Variants in LPAR4 observed in about 807,000 individuals in gnomAD.
LPAR4 encodes G-protein coupled receptor 23.
LPAR4 carries 14 observed loss-of-function variants against 9.2 expected under a neutral mutation model. The observed-to-expected ratio is 1.51, with a 90% CI of 1.00 to 2.37. LPAR4 has a LOEUF of 2.37. LPAR4 is among the 30% of genes most tolerant of loss of function. The probability of loss-of-function intolerance (pLI) is 0.00; values close to 1 mark genes in which losing one functional copy is unlikely to be tolerated. For missense variants in LPAR4, 251 were observed against 272.1 expected (o/e 0.92, Z 0.55); for synonymous variants, 131 against 97.9 (o/e 1.34, Z -1.99).
At chrX:78,752,028 G>C (rs1925085323) in intron 4 of LPAR4, among the ~76,000 whole-genome samples, 1 of 110,476 alleles carries the variant, frequency 9.1e-6, no homozygotes, top group South Asian at 3.9e-4. Flanking sequence ...AAAATATCAA[G>C]TTAATCACTG....
intron 1 of LPAR4, among the ~76,000 whole-genome samples, chrX:78,749,514 G>A (rs1489720199): frequency 1.8e-5 from 2 of 110,980 alleles, no homozygotes; most frequent in Non-Finnish European, 3.8e-5. Context: ...ATATTCTGAG[G>A]GGTGAAGTGA....
chrX:78,755,328 G>C lies in LPAR4; in HGVS notation c.459G>C (p.Arg153Ser), dbSNP rs137909571. ...GATCTCGTACTATTAGGACTAGGAG[G>C]AATTCTGCCATTGTGTGTGCTGGTG... ...PFRSRTIRTR[R>S]NSAIVCAGVW... Residue 153 changes from arginine to serine, a missense_variant, in exon 5 of 5, where the codon AGG (arginine) becomes AGC (serine). Arg to Ser is a moderately radical substitution (Grantham distance 110, BLOSUM62 -1). Coordinates refer to ENST00000614823, the MANE Select transcript of LPAR4 (RefSeq NM_001278000.3). The C allele has an allele frequency of 3.7e-5, 45 of 1,207,768 alleles. No individual in the cohort carries two copies. Among genetic ancestry groups the C allele is most frequent in the Non-Finnish European group, 5.0e-5 (45 of 894,132 alleles).
At chrX:78,752,756 C>T (rs1925124266) in intron 4 of LPAR4, among the ~76,000 whole-genome samples, 2 of 111,160 alleles carry the variant, frequency 1.8e-5, no homozygotes, top group Admixed American at 9.6e-5. Context: ...TCTAGGGTAC[C>T]GGGCATATTT....
chrX:78,748,526 ACT>A (rs1032128230), intron 1 of LPAR4, among the ~76,000 whole-genome samples: 27 of 110,939 alleles, frequency 2.4e-4, no homozygotes, highest in African/African-American at 8.8e-4. Flanking sequence ...TGAATGAAAA[ACT>A]CTGTCATAAA....
chrX:78,755,347 G>A lies in LPAR4; in HGVS notation c.478G>A (p.Ala160Thr). The change falls in exon 5 of 5, where the codon GCT (alanine) becomes ACT (threonine). Residue 160 changes from alanine (A) to threonine (T), a missense_variant. Coordinates refer to ENST00000614823, the MANE Select transcript of LPAR4 (RefSeq NM_001278000.3). ...RTRRNSAIVC[A>T]GVWILVLSGG... is the part of the protein sequence containing the mutation. ...TAGGAGGAATTCTGCCATTGTGTGT[G>A]CTGGTGTCTGGATCCTAGTCCTCAG... The A allele has an allele frequency of 8.3e-7, 1 of 1,210,530 alleles. No individual in the cohort carries two copies. The highest frequency in any genetic ancestry group is 1.1e-6 in the Non-Finnish European group (1 of 894,885).
chrX:78,756,036 G>T lies in LPAR4; in HGVS notation c.*54G>T. ...TGGTTTCTCCTATAATTTTTCCTAT[G>T]CTATAAACTAAAGATTTGAAGCTAA... On this transcript the variant is annotated 3_prime_UTR_variant, in exon 5 of 5. Coordinates refer to ENST00000614823, the MANE Select transcript of LPAR4 (RefSeq NM_001278000.3). 1.0e-6 allele frequency: 1 copy of T among 982,761 alleles called. No homozygotes were observed. The highest frequency in any genetic ancestry group is 2.3e-5 in the South Asian group (1 of 43,396). The allele number at this position is 982,761 out of a possible 1,213,427, so 81.0% of individuals were successfully genotyped here.
In LPAR4 at chrX:78,755,458, T is replaced by C. The variant is rs1343409787; in HGVS notation, c.589T>C (p.Trp197Arg). ...TCFEGFSKRV[W>R]KTYLSKITIF... ...CTTTGAAGGCTTCTCCAAACGTGTC[T>C]GGAAGACTTATTTATCCAAGATCAC... Residue 197 changes from tryptophan (W) to arginine (R), a missense_variant, in exon 5 of 5, where the codon TGG becomes CGG. Transcript: ENST00000614823. The C allele has an allele frequency of 1.7e-5, 21 of 1,208,414 alleles. No homozygotes were observed. Among genetic ancestry groups the C allele is most frequent in the Non-Finnish European group, 2.1e-5 (19 of 894,118 alleles).
At chrX:78,753,520 A>G (rs781359414) in intron 4 of LPAR4, among the ~76,000 whole-genome samples, 3 of 112,205 alleles carry the variant, frequency 2.7e-5, no homozygotes, top group African/African-American at 9.7e-5. Flanking sequence ...CAAGGTATAC[A>G]TGACACTAGA....
chrX:78,755,673 C>A lies in LPAR4; in HGVS notation c.804C>A (p.Val268=). The A allele has an allele frequency of 4.1e-6, 5 of 1,209,028 alleles. No homozygotes were observed. The highest frequency in any genetic ancestry group is 5.6e-6 in the Non-Finnish European group (5 of 893,442). Residue 268 remains valine, a synonymous_variant, in exon 5 of 5, where the codon GTC becomes GTA. Transcript: ENST00000614823. The part of the protein sequence containing the change: ...FVVCFVPYNS[V]LFLYALVRSQ... ...TATGCTTTGTACCCTACAACTCTGT[C>A]CTCTTCTTGTATGCCCTGGTGCGCT...
At chrX:78,753,149 G>C (rs148397708) in intron 4 of LPAR4, among the ~76,000 whole-genome samples, 1,365 of 111,906 alleles carry the variant, frequency 0.012, 20 homozygotes, top group African/African-American at 0.042. Context: ...GCAGAAGACA[G>C]TAGTTTAATG....
At chrX:78,751,964 G>A (rs1449776872) in intron 4 of LPAR4, among the ~76,000 whole-genome samples, 2 of 110,619 alleles carry the variant, frequency 1.8e-5, no homozygotes, top group Admixed American at 1.9e-4. Flanking sequence ...GTTATCAAGT[G>A]AAGTGTTAAT....
Position 78,755,346 on chromosome X carries a change from T to C in LPAR4, c.477T>C (p.Cys159=), listed in dbSNP as rs889867072. The change falls in exon 5 of 5, where the codon TGT becomes TGC. Residue 159 remains cysteine, a synonymous_variant. Coordinates refer to ENST00000614823, the MANE Select transcript of LPAR4 (RefSeq NM_001278000.3). ...CTAGGAGGAATTCTGCCATTGTGTG[T>C]GCTGGTGTCTGGATCCTAGTCCTCA... ...IRTRRNSAIV[C]AGVWILVLSG... is the part of the protein sequence containing the mutation. 3 of 1,208,626 alleles carry C rather than the reference T, an allele frequency of 2.5e-6. No homozygotes were observed. Among genetic ancestry groups the C allele is most frequent in the Non-Finnish European group, 3.4e-6 (3 of 894,559 alleles).
At position 78,757,283 on chromosome X, in the gene LPAR4, C is replaced by T. The variant is rs1364694772; in HGVS notation, c.*1301C>T. Among the ~76,000 whole-genome samples, 1 of 111,498 alleles carries T rather than the reference C, an allele frequency of 9.0e-6. No homozygotes were observed. The highest frequency in any genetic ancestry group is 3.3e-5 in the African/African-American group (1 of 30,769). On this transcript the variant is annotated 3_prime_UTR_variant, in exon 5 of 5. Transcript: ENST00000614823. ...AGCTACCAAGTGGCTAAATTCGTCT[C>T]CTGGTTAGGAACAAGTTGTGGGAAA...
intron 1 of LPAR4, among the ~76,000 whole-genome samples, chrX:78,749,525 C>T (rs1267859207): frequency 9.1e-6 from 1 of 110,481 alleles, no homozygotes; most frequent in Admixed American, 9.7e-5. Context: ...GGTGAAGTGA[C>T]CAGGAAACAG....
intron 1 of LPAR4, among the ~76,000 whole-genome samples, chrX:78,749,448 G>A (rs768868291): frequency 9.0e-6 from 1 of 111,473 alleles, no homozygotes; most frequent in Non-Finnish European, 1.9e-5. Context: ...ACAATGTAAC[G>A]GGTAAATGAT....
In LPAR4 at chrX:78,754,818, GTGTCAGAGTGGTGAACCCC is replaced by G; in HGVS notation, c.-49_-31del. ...GGAAAATATTTCCTACCGGTCCATA[GTGTCAGAGTGGTGAACCCC>G]TGCAGCCAGCAGGCCTCCTGAAAAA... is the stretch of plus-strand genomic sequence containing the variant. On this transcript the variant is annotated 5_prime_UTR_variant, in exon 5 of 5. Coordinates refer to ENST00000614823, the MANE Select transcript of LPAR4 (RefSeq NM_001278000.3). The G allele has an allele frequency of 9.4e-7, 1 of 1,067,431 alleles. No homozygotes were observed. The highest frequency in any genetic ancestry group is 1.3e-6 in the Non-Finnish European group (1 of 794,830). 88.0% of individuals were successfully genotyped at this position (1,067,431 alleles called of 1,213,427 possible).
chrX:78,755,710 A>G lies in LPAR4; in HGVS notation c.841A>G (p.Thr281Ala), dbSNP rs748976651. 2 of 1,210,756 alleles carry G rather than the reference A, an allele frequency of 1.7e-6. No individual in the cohort carries two copies. Among genetic ancestry groups the G allele is most frequent in the Admixed American group, 4.4e-5 (2 of 45,886 alleles). ...TGCCCTGGTGCGCTCCCAAGCTATTACTAATTGCTTTTTGGAAAGATTTGC... is the reference window on the plus strand; with the variant it reads ...TGCCCTGGTGCGCTCCCAAGCTATTGCTAATTGCTTTTTGGAAAGATTTGC... Reference protein sequence around the residue: ...LYALVRSQAITNCFLERFAKI... With the variant: ...LYALVRSQAIANCFLERFAKI... The change falls in exon 5 of 5, where the codon ACT (threonine) becomes GCT (alanine). Residue 281 changes from threonine (T) to alanine (A), a missense_variant. Physicochemically the swap from Thr to Ala is moderately conservative, Grantham distance 58. Transcript: ENST00000614823.
chrX:78,754,439 A>G (rs187960542), intron 4 of LPAR4, among the ~76,000 whole-genome samples: 25 of 111,895 alleles, frequency 2.2e-4, no homozygotes, highest in African/African-American at 7.4e-4. Flanking sequence ...TGTAGAAGAT[A>G]AGTTCAAGCC....
chrX:78,755,030 T>C lies in LPAR4; in HGVS notation c.161T>C (p.Leu54Pro), dbSNP rs758236673. ...TACAGTGTTGTATTCATCTTGGGTC[T>C]GATAACCAACAGTGTCTCTCTGTTT... is the stretch of plus-strand genomic sequence containing the variant. The part of the protein sequence containing the change: ...AVYSVVFILG[L>P]ITNSVSLFVF... Residue 54 changes from leucine (L) to proline (P), a missense_variant, in exon 5 of 5, where the codon CTG becomes CCG. Coordinates refer to ENST00000614823, the MANE Select transcript of LPAR4 (RefSeq NM_001278000.3). The C allele has an allele frequency of 8.3e-7, 1 of 1,208,400 alleles. No individual in the cohort carries two copies. The highest frequency in any genetic ancestry group is 1.1e-6 in the Non-Finnish European group (1 of 893,479).
Sources: gnomAD v4.1 joint callset for allele counts (sites outside exome capture counted in the v4.1 genomes callset) on GRCh38, gnomAD v4.1.1 for gene constraint, MANE v1.5 for transcripts, NCBI Gene and HGNC (gene_info 2026-07-23, HGNC 2026-07-21) for gene names.